Variants in KCTD8 observed in about 807,000 individuals in gnomAD.
KCTD8 encodes the protein potassium channel tetramerization domain containing 8.
Under a neutral mutation model 31.5 loss-of-function variants are expected in KCTD8, and 27 were observed. The ratio of observed to expected loss-of-function variants is 0.86; its 90% CI spans 0.63 to 1.18. KCTD8 has a LOEUF of 1.18. KCTD8 is among the 50% of genes most tolerant of loss of function. The pLI, the probability that KCTD8 is intolerant of heterozygous loss-of-function variation, is 0.00. For synonymous variants in KCTD8, 290 were observed against 280.0 expected, an observed-to-expected ratio of 1.04 and a Z score of -0.36; for missense variants, 658 against 647.7, an observed-to-expected ratio of 1.02 and a Z score of -0.17.
At chr4:44,426,335 A>C (rs1721345783) in intron 1 of KCTD8, among the ~76,000 whole-genome samples, 1 of 151,662 alleles carries the variant, frequency 6.6e-6, no homozygotes, top group Admixed American at 6.6e-5. Flanking sequence ...GGAAAAATTA[A>C]AAAACTAGAA....
chr4:44,357,089 CA>C (rs11368270), intron 1 of KCTD8, among the ~76,000 whole-genome samples: 86,498 of 143,290 alleles, frequency 0.6, 25,752 homozygotes, highest in South Asian at 0.66. Flanking sequence ...GCATTTGAGG[CA>C]AAAAAAAAAA....
intron 1 of KCTD8, among the ~76,000 whole-genome samples, chr4:44,336,649 T>C (rs1423740232): frequency 6.6e-6 from 1 of 151,980 alleles, no homozygotes; most frequent in African/African-American, 2.4e-5. Context: ...TAAGAAAATC[T>C]CATTTAAATG....
In KCTD8 at chr4:44,337,561, C is replaced by G. The variant is rs551413810; in HGVS notation, c.961+110002G>C. Among the ~76,000 whole-genome samples the G allele has an allele frequency of 2.0e-5, 3 of 151,778 alleles. No individual in the cohort carries two copies. In the South Asian group the frequency reaches 6.2e-4, roughly 32 times the overall value. ...TGGTGGTGTGTACCTGTAGTCCCAG[C>G]TACTCAGGAGGCTGAGGCAGAAGAA... On this transcript the variant is annotated intron_variant, in intron 1 of 1. Coordinates refer to ENST00000360029, the MANE Select transcript of KCTD8 (RefSeq NM_198353.3).
intron 1 of KCTD8, among the ~76,000 whole-genome samples, chr4:44,441,480 A>G (rs1721809537): frequency 1.3e-5 from 2 of 152,182 alleles, no homozygotes. Context: ...TTTTGAGTTC[A>G]CTCATATACG....
intron 1 of KCTD8, among the ~76,000 whole-genome samples, chr4:44,316,337 A>G (rs565665389): frequency 6.6e-6 from 1 of 152,132 alleles, no homozygotes; most frequent in Non-Finnish European, 1.5e-5. Flanking sequence ...AATAAGAATT[A>G]TTGTTAAGGT....
At chr4:44,426,367 G>A (rs1009490897) in intron 1 of KCTD8, among the ~76,000 whole-genome samples, 1 of 151,644 alleles carries the variant, frequency 6.6e-6, no homozygotes, top group African/African-American at 2.4e-5. Context: ...GTTGATAGAT[G>A]AATAGACTCT....
At chr4:44,296,839 C>T (rs116020116) in intron 1 of KCTD8, among the ~76,000 whole-genome samples, 2 of 152,048 alleles carry the variant, frequency 1.3e-5, no homozygotes, top group African/African-American at 4.8e-5. Flanking sequence ...TGAAAAACCT[C>T]AAGAATGACA....
chr4:44,308,730 G>A (rs996489371), intron 1 of KCTD8, among the ~76,000 whole-genome samples: 1 of 151,938 alleles, frequency 6.6e-6, no homozygotes, highest in Non-Finnish European at 1.5e-5. Flanking sequence ...AACTTAGATT[G>A]AAATTTTAAA....
At chr4:44,394,323 T>C (rs1720443273) in intron 1 of KCTD8, among the ~76,000 whole-genome samples, 2 of 151,970 alleles carry the variant, frequency 1.3e-5, no homozygotes, top group South Asian at 2.1e-4. Context: ...TCACAATTCA[T>C]AGGAGTGGGA....
chr4:44,408,324 CTT>C (rs745860078), intron 1 of KCTD8, among the ~76,000 whole-genome samples: 2 of 152,138 alleles, frequency 1.3e-5, no homozygotes, highest in Non-Finnish European at 2.9e-5. Flanking sequence ...AAAATTATCA[CTT>C]TGACTCAAAT....
chr4:44,339,876 T>C (rs1413456782), intron 1 of KCTD8, among the ~76,000 whole-genome samples: 3 of 152,202 alleles, frequency 2.0e-5, no homozygotes, highest in Non-Finnish European at 4.4e-5. Flanking sequence ...TTAGCAGTTT[T>C]ATAATAACCA....
At chr4:44,431,828 T>C (rs1054348500) in intron 1 of KCTD8, among the ~76,000 whole-genome samples, 10 of 151,596 alleles carry the variant, frequency 6.6e-5, no homozygotes, top group African/African-American at 9.7e-5. Flanking sequence ...TGATTTGTAA[T>C]TTTTTATTAT....
chr4:44,406,164 G>A (rs770118203), intron 1 of KCTD8, among the ~76,000 whole-genome samples: 9 of 152,240 alleles, frequency 5.9e-5, no homozygotes, highest in Non-Finnish European at 1.3e-4. Context: ...TATCAATTCT[G>A]AGTTTATGGT....
At chr4:44,193,838 T>C (rs761804992) in intron 1 of KCTD8, among the ~76,000 whole-genome samples, 5 of 152,140 alleles carry the variant, frequency 3.3e-5, no homozygotes, top group Non-Finnish European at 5.9e-5. Flanking sequence ...TTTCTGTGAA[T>C]TCAGACCAAT....
chr4:44,248,870 C>G (rs1246852094), intron 1 of KCTD8, among the ~76,000 whole-genome samples: 3 of 151,940 alleles, frequency 2.0e-5, no homozygotes, highest in South Asian at 4.1e-4. Context: ...TCTGGAGAAC[C>G]TGCCTCAAAC....
intron 1 of KCTD8, among the ~76,000 whole-genome samples, chr4:44,269,215 G>C (rs991103800): frequency 1.3e-5 from 2 of 152,152 alleles, no homozygotes; most frequent in African/African-American, 4.8e-5. Flanking sequence ...GAACAGAACA[G>C]AGCCCTCAGA....
intron 1 of KCTD8, among the ~76,000 whole-genome samples, chr4:44,340,308 G>T (rs2636402): frequency 0.82 from 118,881 of 144,854 alleles, 47,324 homozygotes; most frequent in Middle Eastern, 0.87. Context: ...GTACATTTTT[G>T]TTTTTTTTGA....
At chr4:44,296,016 T>C (rs1464697093) in intron 1 of KCTD8, among the ~76,000 whole-genome samples, 2 of 152,166 alleles carry the variant, frequency 1.3e-5, no homozygotes, top group Non-Finnish European at 2.9e-5. Flanking sequence ...TTAATAATGG[T>C]TTCCCTTGGT....
chr4:44,445,839 A>T (rs935739333), intron 1 of KCTD8, among the ~76,000 whole-genome samples: 1 of 152,208 alleles, frequency 6.6e-6, no homozygotes, highest in Non-Finnish European at 1.5e-5. Context: ...TTTAAAATCT[A>T]AAAAGTTGTT....
Sources: gnomAD v4.1 joint callset for allele counts (sites outside exome capture counted in the v4.1 genomes callset) on GRCh38, gnomAD v4.1.1 for gene constraint, MANE v1.5 for transcripts, NCBI Gene and HGNC (gene_info 2026-07-23, HGNC 2026-07-21) for gene names.